Variants in CDH18 observed in about 807,000 individuals in gnomAD.
CDH18 encodes cadherin-18.
Under a neutral mutation model 67.9 loss-of-function variants are expected in CDH18, and 31 were observed. That is an observed-to-expected ratio of 0.46 (90% CI 0.34 to 0.62). CDH18 has a LOEUF of 0.62. Among genes scored for constraint, CDH18 ranks in the 20% least tolerant of loss-of-function variants. The pLI is 0.01. For missense variants in CDH18, 890 were observed against 975.5 expected, an observed-to-expected ratio of 0.91 and a Z score of 1.17; for synonymous variants, 362 against 347.2, an observed-to-expected ratio of 1.04 and a Z score of -0.48.
chr5:20,377,304 A>C (rs934667344), intron 1 of CDH18, among the ~76,000 whole-genome samples: 1 of 152,204 alleles, frequency 6.6e-6, no homozygotes, highest in African/African-American at 2.4e-5. Context: ...TTGCTTGACT[A>C]TTTTGTACAA....
intron 1 of CDH18, among the ~76,000 whole-genome samples, chr5:20,300,325 T>C (rs1422879214): frequency 6.6e-6 from 1 of 151,870 alleles, no homozygotes; most frequent in African/African-American, 2.4e-5. Context: ...TGTGTGTGTG[T>C]GTGTGTGTAT....
chr5:20,072,358 CTTGA>C (rs1743553947), intron 2 of CDH18, among the ~76,000 whole-genome samples: 3 of 152,012 alleles, frequency 2.0e-5, no homozygotes, highest in Non-Finnish European at 2.9e-5. Flanking sequence ...ATTAAAGTTT[CTTGA>C]TAAATTCAGT....
chr5:20,401,839 G>T (rs1745795723), intron 1 of CDH18, among the ~76,000 whole-genome samples: 1 of 152,112 alleles, frequency 6.6e-6, no homozygotes, highest in African/African-American at 2.4e-5. Flanking sequence ...ACATTAATTT[G>T]TTCATATTGA....
chr5:20,312,527 A>T (rs1737088001), intron 1 of CDH18, among the ~76,000 whole-genome samples: 1 of 152,102 alleles, frequency 6.6e-6, no homozygotes, highest in African/African-American at 2.4e-5. Flanking sequence ...ATTCCTACAG[A>T]CGCCATGCAG....
At chr5:19,633,194 C>A (rs747941163) in intron 5 of CDH18, among the ~76,000 whole-genome samples, 1 of 152,130 alleles carries the variant, frequency 6.6e-6, no homozygotes, top group African/African-American at 2.4e-5. Flanking sequence ...TGCTATGGAA[C>A]GGAATTTAAT....
intron 1 of CDH18, among the ~76,000 whole-genome samples, chr5:20,271,073 C>T (rs1745402463): frequency 6.6e-6 from 1 of 151,990 alleles, no homozygotes; most frequent in Admixed American, 6.6e-5. Flanking sequence ...ATTTGTGCAG[C>T]AAACTTCCAT....
At chr5:20,519,402 T>C (rs1032473480) in intron 1 of CDH18, among the ~76,000 whole-genome samples, 4 of 151,896 alleles carry the variant, frequency 2.6e-5, no homozygotes, top group Admixed American at 6.6e-5. Flanking sequence ...TTCTCACTCA[T>C]AGGTGGGAAT....
intron 10 of CDH18, 110 bp from the exon 11 acceptor site, chr5:19,503,219 C>T: frequency 1.6e-6 from 1 of 607,764 alleles, no homozygotes; most frequent in Non-Finnish European, 2.9e-6. Context: ...TCTTTTCTTC[C>T]AACTTGAGTT....
At chr5:20,145,873 C>T (rs1413535532) in intron 2 of CDH18, among the ~76,000 whole-genome samples, 1 of 152,170 alleles carries the variant, frequency 6.6e-6, no homozygotes, top group Non-Finnish European at 1.5e-5. Flanking sequence ...ATATCACCCT[C>T]ACACATTTAA....
rs186419096 is a variant in CDH18 at position 20,216,945 on chromosome 5, T to C, written c.-518+38499A>G. Among the ~76,000 whole-genome samples the C allele has an allele frequency of 7.9e-5, 12 of 151,962 alleles. No individual in the cohort carries two copies. The East Asian group carries it at 1.9e-3, about 24-fold the overall frequency. On this transcript the variant is annotated intron_variant, in intron 2 of 14. Coordinates refer to the CDH18 transcript ENST00000507958. ...ACAGCGGGCAGCAGCAGTGTTCTCA[T>C]TGGAAACCTTATTAGCCAGAAAAAA...
At chr5:19,549,354 G>GT (rs1736929761) in intron 8 of CDH18, among the ~76,000 whole-genome samples, 1 of 152,098 alleles carries the variant, frequency 6.6e-6, no homozygotes, top group South Asian at 2.1e-4. Flanking sequence ...TGCCATGACT[G>GT]TAAGTTCTCT....
At chr5:19,540,610 A>C (rs1384041233) in intron 9 of CDH18, among the ~76,000 whole-genome samples, 1 of 152,124 alleles carries the variant, frequency 6.6e-6, no homozygotes, top group Non-Finnish European at 1.5e-5. Flanking sequence ...CCCAAACCTC[A>C]ATTCTTGACT....
At chr5:20,279,699 CAAAAAAAAAAAAA>C (rs1189257278) in intron 1 of CDH18, among the ~76,000 whole-genome samples, 8 of 13,600 alleles carry the variant, frequency 5.9e-4, no homozygotes, top group Non-Finnish European at 7.7e-4. Flanking sequence ...AGCTCTGTCT[CAAAAAAAAAAAAA>C]AAAAAAAAAA....
chr5:19,558,500 A>G (rs1340434520), intron 8 of CDH18, among the ~76,000 whole-genome samples: 5 of 152,096 alleles, frequency 3.3e-5, no homozygotes, highest in Non-Finnish European at 7.4e-5. Flanking sequence ...AGAGCATTCT[A>G]GGCTATTATG....
intron 6 of CDH18, among the ~76,000 whole-genome samples, chr5:19,611,337 GA>G (rs1438405650): frequency 6.6e-6 from 1 of 152,048 alleles, no homozygotes; most frequent in Non-Finnish European, 1.5e-5. Context: ...GTGCAAGAGG[GA>G]AAAAAGAGTG....
At chr5:20,131,662 C>T (rs1749276287) in intron 2 of CDH18, among the ~76,000 whole-genome samples, 2 of 152,078 alleles carry the variant, frequency 1.3e-5, no homozygotes, top group Admixed American at 1.3e-4. Context: ...AACTAGTTAT[C>T]AAGTGCTTTA....
At chr5:19,783,901 A>G (rs1439947439) in intron 3 of CDH18, among the ~76,000 whole-genome samples, 1 of 152,158 alleles carries the variant, frequency 6.6e-6, no homozygotes, top group Non-Finnish European at 1.5e-5. Context: ...CAACATTAAA[A>G]TGCCCTGTAT....
intron 1 of CDH18, among the ~76,000 whole-genome samples, chr5:20,503,189 T>A (rs61442120): frequency 0.23 from 34,776 of 149,772 alleles, 4,455 homozygotes; most frequent in East Asian, 0.39. Context: ...AACACAAATT[T>A]AAAAAAAAAA....
rs59248561 is a variant in CDH18 at position 19,774,808 on chromosome 5, C to CAAAAAAAAAAAAAAAAAAAA, written c.229-27592_229-27573dup. Among the ~76,000 whole-genome samples, 4 of 35,414 alleles carry CAAAAAAAAAAAAAAAAAAAA rather than the reference C, an allele frequency of 1.1e-4. 1 individual carries two copies. The highest frequency in any genetic ancestry group is 2.1e-4 in the Non-Finnish European group (4 of 19,262). The allele number at this position is 35,414 out of a possible 152,430, so 23.2% of individuals were successfully genotyped here. A position where few individuals can be genotyped will look rare whatever the true frequency, so the allele number is the denominator to read the frequency against. On this transcript the variant is annotated intron_variant, in intron 3 of 12. Transcript: ENST00000382275. ...TGAGTGACAGAGCAAGACTCTGTCT[C>CAAAAAAAAAAAAAAAAAAAA]AAAAAAAAAAAAAAAAAAAAAAAAA...
Sources: allele counts gnomAD v4.1 joint callset (sites outside exome capture counted in the v4.1 genomes callset), GRCh38; gene constraint gnomAD v4.1.1; transcripts MANE v1.5; gene names NCBI Gene and HGNC (gene_info 2026-07-23, HGNC 2026-07-21).